The following CNTNAP5 variants were observed in gnomAD, a reference collection of about 807,000 sequenced individuals.
CNTNAP5 encodes contactin-associated protein-like 5.
Under a neutral mutation model 150.2 loss-of-function variants are expected in CNTNAP5, and 72 were observed. The ratio of observed to expected loss-of-function variants is 0.48; its 90% CI spans 0.40 to 0.58. The LOEUF (loss-of-function observed/expected upper bound fraction) is 0.58. Among genes scored for constraint, CNTNAP5 ranks in the 20% least tolerant of loss-of-function variants. CNTNAP5 has a pLI of 0.00. For missense variants in CNTNAP5, 1,636 were observed against 1,626.2 expected (o/e 1.01, Z -0.10); for synonymous variants, 672 against 619.8 (o/e 1.08, Z -1.25).
At chr2:124,388,737 C>T (rs535291984) in intron 3 of CNTNAP5, among the ~76,000 whole-genome samples, 6 of 152,190 alleles carry the variant, frequency 3.9e-5, no homozygotes, top group African/African-American at 1.2e-4. Flanking sequence ...CTCTGTCGCC[C>T]GGAGTGAGAC....
At chr2:124,468,973 G>A (rs1693443522) in intron 6 of CNTNAP5, among the ~76,000 whole-genome samples, 1 of 152,218 alleles carries the variant, frequency 6.6e-6, no homozygotes, top group Non-Finnish European at 1.5e-5. Flanking sequence ...TAACAGGCTT[G>A]CAGCCATCAC....
intron 6 of CNTNAP5, among the ~76,000 whole-genome samples, chr2:124,455,624 A>G (rs1437954475): frequency 1.3e-5 from 2 of 152,136 alleles, no homozygotes; most frequent in East Asian, 1.9e-4. Flanking sequence ...AAAGAAAACT[A>G]CATACCAATA....
chr2:124,704,543 T>C (rs17393120), intron 13 of CNTNAP5, among the ~76,000 whole-genome samples: 26,697 of 152,156 alleles, frequency 0.18, 2,473 homozygotes, highest in East Asian at 0.24. Flanking sequence ...ATGTGTTATA[T>C]CATAGGGAAG....
chr2:124,407,307 C>T (rs1280058601), intron 3 of CNTNAP5, among the ~76,000 whole-genome samples: 1 of 152,154 alleles, frequency 6.6e-6, no homozygotes, highest in Non-Finnish European at 1.5e-5. Flanking sequence ...AGCTTTATAG[C>T]TAATAAATTA....
intron 3 of CNTNAP5, among the ~76,000 whole-genome samples, chr2:124,357,459 A>T (rs1207839575): frequency 6.6e-6 from 1 of 151,956 alleles, no homozygotes; most frequent in Non-Finnish European, 1.5e-5. Context: ...TTAAGTCTTT[A>T]ATCCATCTTG....
At chr2:124,044,681 C>T (rs1681477360) in intron 1 of CNTNAP5, among the ~76,000 whole-genome samples, 1 of 152,004 alleles carries the variant, frequency 6.6e-6, no homozygotes, top group Non-Finnish European at 1.5e-5. Flanking sequence ...TGATAGTTCC[C>T]CAGTGTGCTT....
intron 13 of CNTNAP5, among the ~76,000 whole-genome samples, chr2:124,719,517 T>TA (rs913827958): frequency 1.8e-4 from 28 of 152,158 alleles, no homozygotes; most frequent in African/African-American, 6.5e-4. Flanking sequence ...ATCTGGTGTA[T>TA]AAAAAAAGGG....
chr2:124,186,451 A>G (rs926173396), intron 1 of CNTNAP5, among the ~76,000 whole-genome samples: 9 of 152,226 alleles, frequency 5.9e-5, no homozygotes, highest in African/African-American at 2.2e-4. Flanking sequence ...ATGTATACAA[A>G]CACATATGCA....
intron 13 of CNTNAP5, among the ~76,000 whole-genome samples, chr2:124,681,565 T>C (rs1250060478): frequency 6.6e-6 from 1 of 152,150 alleles, no homozygotes; most frequent in African/African-American, 2.4e-5. Flanking sequence ...TTTTGTTTGT[T>C]TGTTTTCTTC....
At chr2:124,320,854 C>T (rs150221972) in intron 3 of CNTNAP5, among the ~76,000 whole-genome samples, 2 of 152,066 alleles carry the variant, frequency 1.3e-5, no homozygotes, top group African/African-American at 2.4e-5. Context: ...ACTGGTGGAC[C>T]GTGCATTTCT....
Position 124,707,666 on chromosome 2 carries a change from C to G in CNTNAP5, c.2078-39563C>G, listed in dbSNP as rs1679719941. On this transcript the variant is annotated intron_variant, in intron 13 of 23. Transcript: ENST00000682447. Reference sequence around the variant, plus strand: ...GAAGGTGGGAGCCTGAATTCTAAGTCCAGTTCTGCAGTGGCTCAACCCATG... The same window carrying G: ...GAAGGTGGGAGCCTGAATTCTAAGTGCAGTTCTGCAGTGGCTCAACCCATG... Among the ~76,000 whole-genome samples the G allele has an allele frequency of 2.0e-5, 3 of 152,106 alleles. No homozygotes were observed. In the South Asian group the frequency reaches 6.2e-4, roughly 32 times the overall value.
intron 3 of CNTNAP5, among the ~76,000 whole-genome samples, chr2:124,278,469 A>G (rs542336912): frequency 6.6e-6 from 1 of 152,294 alleles, no homozygotes; most frequent in African/African-American, 2.4e-5. Context: ...CAGATGGCCC[A>G]TCATGGGTTC....
At chr2:124,515,551 C>T (rs1039328104) in intron 8 of CNTNAP5, among the ~76,000 whole-genome samples, 2 of 93,882 alleles carry the variant, frequency 2.1e-5, no homozygotes, top group African/African-American at 8.5e-5. Flanking sequence ...TCATTCATCA[C>T]GTTTTATATG....
chr2:124,243,598 G>A (rs1573862437), intron 3 of CNTNAP5, among the ~76,000 whole-genome samples: 2 of 152,092 alleles, frequency 1.3e-5, no homozygotes, highest in South Asian at 2.1e-4. Flanking sequence ...TTCAAAAATA[G>A]TCTAAACAGT....
chr2:124,486,718 G>A (rs529320557), intron 7 of CNTNAP5, among the ~76,000 whole-genome samples: 2 of 152,220 alleles, frequency 1.3e-5, no homozygotes, highest in Non-Finnish European at 2.9e-5. Flanking sequence ...AAAACCACAA[G>A]TATAGGCCTA....
intron 10 of CNTNAP5, among the ~76,000 whole-genome samples, chr2:124,543,586 G>A (rs1026906558): frequency 2.6e-5 from 4 of 152,164 alleles, no homozygotes; most frequent in African/African-American, 9.7e-5. Flanking sequence ...TGAAAGTGAA[G>A]TTATTGAAGA....
At chr2:124,284,757 A>G (rs1252680496) in intron 3 of CNTNAP5, among the ~76,000 whole-genome samples, 1 of 152,182 alleles carries the variant, frequency 6.6e-6, no homozygotes, top group African/African-American at 2.4e-5. Context: ...GAATGTTTGA[A>G]ACAGTGTCAT....
Position 124,867,134 on chromosome 2 carries a change from A to G in CNTNAP5, c.3348+1698A>G, listed in dbSNP as rs145727998. On this transcript the variant is annotated intron_variant, in intron 20 of 23. Transcript: ENST00000682447. The stretch of plus-strand genomic sequence containing the variant: ...CCTTCCTCCCTCCCTTTCATCATTT[A>G]TTCCAGCTCTACTGAATGGCTCCCC... Among the ~76,000 whole-genome samples the G allele has an allele frequency of 2.2e-4, 33 of 152,152 alleles. No individual in the cohort carries two copies. In the East Asian group the frequency reaches 6.2e-3, roughly 29 times the overall value.
chr2:124,522,373 C>T (rs1232206853), intron 8 of CNTNAP5, among the ~76,000 whole-genome samples: 9 of 152,148 alleles, frequency 5.9e-5, no homozygotes, highest in East Asian at 3.9e-4. Context: ...CCTCTCATTC[C>T]GCCTCCTGGG....
Sources: gnomAD v4.1 joint callset for allele counts (sites outside exome capture counted in the v4.1 genomes callset) on GRCh38, gnomAD v4.1.1 for gene constraint, MANE v1.5 for transcripts, NCBI Gene and HGNC (gene_info 2026-07-23, HGNC 2026-07-21) for gene names.